Variants in ARHGEF11 observed in about 807,000 individuals in gnomAD.
The protein encoded by ARHGEF11 is Rho guanine nucleotide exchange factor 11.
Under a neutral mutation model 193.7 loss-of-function variants are expected in ARHGEF11, and 55 were observed. The ratio of observed to expected loss-of-function variants is 0.28; its 90% CI spans 0.23 to 0.36. ARHGEF11 has a LOEUF of 0.36. Ranked by LOEUF, ARHGEF11 falls within the 10% of genes least tolerant of loss-of-function variation. ARHGEF11 has a pLI of 1.00. For missense variants in ARHGEF11, 1,723 were observed against 2,005.6 expected, an observed-to-expected ratio of 0.86 and a Z score of 2.69; for synonymous variants, 693 against 768.0, an observed-to-expected ratio of 0.90 and a Z score of 1.62.
At position 156,944,477 on chromosome 1, in the gene ARHGEF11, CATTCAAGT is replaced by C. The variant is rs763551664; in HGVS notation, c.2992-52_2992-45del. On this transcript the variant is annotated intron_variant, in intron 30 of 40. Transcript: ENST00000368194. Reference sequence around the variant, plus strand: ...TCATTCATTCATTCATTCATTCATTCATTCAAGTGTTTGAGAGCCTACTGTGTGCCAGA... The same window carrying C: ...TCATTCATTCATTCATTCATTCATTCGTTTGAGAGCCTACTGTGTGCCAGA... The C allele has an allele frequency of 8.6e-6, 12 of 1,389,274 alleles. No homozygotes were observed. In the South Asian group the frequency reaches 9.8e-5, roughly 11 times the overall value. 86.1% of individuals were successfully genotyped at this position (1,389,274 alleles called of 1,614,324 possible).
At chr1:157,028,684 C>T (rs1344006033) in intron 1 of ARHGEF11, among the ~76,000 whole-genome samples, 2 of 152,082 alleles carry the variant, frequency 1.3e-5, no homozygotes, top group African/African-American at 2.4e-5. Context: ...AATAAAAGCA[C>T]AAATAACCCC....
chr1:156,985,981 C>T (rs1005390220), intron 2 of ARHGEF11, 101 bp downstream of exon 2: 21 of 937,128 alleles, frequency 2.2e-5, no homozygotes, highest in Middle Eastern at 5.7e-4. Flanking sequence ...CAGAGCTCTT[C>T]GGCTCAAGCG....
chr1:157,028,576 T>G (rs939788916), intron 1 of ARHGEF11, among the ~76,000 whole-genome samples: 1 of 152,088 alleles, frequency 6.6e-6, no homozygotes, highest in African/African-American at 2.4e-5. Context: ...TTTGAATCGA[T>G]CTCAGAGATC....
intron 1 of ARHGEF11, among the ~76,000 whole-genome samples, chr1:157,036,116 TATATATATGAAA>T (rs1357803204): frequency 7.0e-6 from 1 of 143,842 alleles, no homozygotes; most frequent in African/African-American, 2.6e-5. Flanking sequence ...TATATATGAA[TATATATATGAAA>T]ATATATATAT....
At chr1:157,029,551 C>T (rs1322232457) in intron 1 of ARHGEF11, among the ~76,000 whole-genome samples, 1 of 152,076 alleles carries the variant, frequency 6.6e-6, no homozygotes, top group Non-Finnish European at 1.5e-5. Context: ...GGATTACAGG[C>T]GTGAGCCACT....
Position 157,045,425 on chromosome 1 carries a change from C to G in ARHGEF11, c.-1095G>C, listed in dbSNP as rs911636159. On this transcript the variant is annotated 5_prime_UTR_variant, in exon 1 of 41. Transcript: ENST00000368194. ...CTCTCGCCCGGCCAGAAAGACGGCT[C>G]CCTTATTATTCGTTCGGATTATTAT... The G allele has an allele frequency of 6.6e-6, 1 of 152,250 alleles. No homozygotes were observed. The highest frequency in any genetic ancestry group is 2.4e-5 in the African/African-American group (1 of 41,450). The allele number at this position is 152,250 out of a possible 1,614,324, so 9.4% of individuals were successfully genotyped here.
intron 1 of ARHGEF11, among the ~76,000 whole-genome samples, chr1:157,026,450 C>G (rs1670652356): frequency 6.6e-6 from 1 of 152,104 alleles, no homozygotes; most frequent in East Asian, 1.9e-4. Flanking sequence ...GAGGCAAGAC[C>G]ATGTGAGGAA....
chr1:157,036,877 G>A (rs1430025113), intron 1 of ARHGEF11, among the ~76,000 whole-genome samples: 3 of 152,106 alleles, frequency 2.0e-5, no homozygotes, highest in Admixed American at 6.5e-5. Context: ...TGTAATCCCA[G>A]CACTGTGGGA....
intron 8 of ARHGEF11, 35 bp downstream of exon 8, chr1:156,971,662 T>C (rs1412807164): frequency 1.2e-6 from 2 of 1,601,672 alleles, no homozygotes; most frequent in South Asian, 1.1e-5. Flanking sequence ...TTCTACTGCA[T>C]GTGCCCTTAC....
At position 156,958,875 on chromosome 1, in the gene ARHGEF11, T is replaced by A. The variant is rs1185520099; in HGVS notation, c.1380-11A>T. On this transcript the variant is annotated splice_polypyrimidine_tract_variant and intron_variant, in intron 16 of 40. Coordinates refer to ENST00000368194, the MANE Select transcript of ARHGEF11 (RefSeq NM_198236.3). ...AGTGTGCGCTTCGTTCTAAGCCAGATAAACACAGGGAAAGAAAGAAATATA... is the reference window on the plus strand; with the variant it reads ...AGTGTGCGCTTCGTTCTAAGCCAGAAAAACACAGGGAAAGAAAGAAATATA... 1.7e-5 allele frequency: 28 copies of A among 1,613,876 alleles called. No individual in the cohort carries two copies. The highest frequency in any genetic ancestry group is 2.3e-5 in the Non-Finnish European group (27 of 1,179,980).
Position 156,984,368 on chromosome 1 carries a change from C to T in ARHGEF11, c.194G>A (p.Arg65His), listed in dbSNP as rs766437692. The change falls in exon 3 of 41, where the codon CGC (arginine) becomes CAC (histidine). Residue 65 changes from arginine (R) to histidine (H), a missense_variant. Arg to His is a conservative substitution (Grantham distance 29, BLOSUM62 0). Transcript: ENST00000368194. ...HGFGFTVSGD[R>H]IVLVQSVRPG... is the part of the protein sequence containing the mutation. ...CCGCACAGACTGCACCAGAACAATG[C>T]GATCCCCACTGACTGTGAAGCCGAA... is the stretch of plus-strand genomic sequence containing the variant. 34 of 1,595,552 alleles carry T rather than the reference C, an allele frequency of 2.1e-5. No individual in the cohort carries two copies. The highest frequency in any genetic ancestry group is 3.4e-4 in the Middle Eastern group (2 of 5,832).
At chr1:156,975,234 G>A (rs1571320140) in intron 7 of ARHGEF11, among the ~76,000 whole-genome samples, 1 of 152,140 alleles carries the variant, frequency 6.6e-6, no homozygotes, top group South Asian at 2.1e-4. Flanking sequence ...CCATTATTTT[G>A]GTTATAGCCA....
At chr1:156,959,276 T>C (rs2102126051) in intron 15 of ARHGEF11, 134 bp from the exon 16 acceptor site, 1 of 715,736 alleles carries the variant, frequency 1.4e-6, no homozygotes, top group Non-Finnish European at 2.4e-6. Flanking sequence ...GCCCTGTTAG[T>C]CTAAAAGGAG....
At chr1:157,008,312 AG>A (rs1668109798) in intron 1 of ARHGEF11, among the ~76,000 whole-genome samples, 1 of 151,544 alleles carries the variant, frequency 6.6e-6, no homozygotes, top group South Asian at 2.1e-4. Context: ...GGGCCTTTGG[AG>A]GGTAATTAGG....
intron 22 of ARHGEF11, 35 bp downstream of exon 22, chr1:156,951,538 C>T (rs368566315): frequency 6.5e-4 from 1,052 of 1,611,072 alleles, no homozygotes; most frequent in Non-Finnish European, 8.3e-4. Flanking sequence ...ACCCACTCTT[C>T]GAGCAGCTGG....
chr1:156,948,431 G>C lies in ARHGEF11; in HGVS notation c.1993C>G (p.Arg665Gly). Reference sequence around the variant, plus strand: ...GAGCGGGGCACGTTCTCTGCCTTTCGAGACCGTTTCATCTCTTCCCGGCCC... The same window carrying C: ...GAGCGGGGCACGTTCTCTGCCTTTCCAGACCGTTTCATCTCTTCCCGGCCC... Reference protein sequence around the residue: ...LKGREEMKRSRKAENVPRSRS... With the variant: ...LKGREEMKRSGKAENVPRSRS... The change falls in exon 23 of 41, where the codon CGA becomes GGA. Residue 665 changes from arginine (R) to glycine (G), a missense_variant. Transcript: ENST00000368194. This position sits in a 1 kb window ranked among gnomAD's most constrained non-coding sequence, Gnocchi z 4.2. The C allele has an allele frequency of 6.2e-7, 1 of 1,614,232 alleles. No individual in the cohort carries two copies. The highest frequency in any genetic ancestry group is 8.5e-7 in the Non-Finnish European group (1 of 1,180,048).
intron 5 of ARHGEF11, 89 bp downstream of exon 5, chr1:156,979,140 G>A: frequency 7.9e-7 from 1 of 1,266,376 alleles, no homozygotes; most frequent in Admixed American, 1.7e-5. Context: ...GAAACCTCCT[G>A]GAATGCCAGG....
intron 31 of ARHGEF11, 58 bp downstream of exon 31, chr1:156,944,300 G>T: frequency 1.3e-6 from 2 of 1,556,598 alleles, no homozygotes; most frequent in East Asian, 2.2e-5. Flanking sequence ...AGACAGAAGA[G>T]CCCAGGGAGG....
chr1:157,031,059 A>C (rs1671245118), intron 1 of ARHGEF11, among the ~76,000 whole-genome samples: 1 of 151,740 alleles, frequency 6.6e-6, no homozygotes, highest in Admixed American at 6.6e-5. Flanking sequence ...CAGGTCTTAT[A>C]AAATTCATTT....
Sources: allele counts gnomAD v4.1 joint callset (sites outside exome capture counted in the v4.1 genomes callset), GRCh38; gene constraint gnomAD v4.1.1; non-coding constraint Gnocchi (gnomAD v3.1); transcripts MANE v1.5; gene names NCBI Gene and HGNC (gene_info 2026-07-23, HGNC 2026-07-21).